SLC8A1: variants seen among roughly 807,000 people sequenced by gnomAD.
SLC8A1 encodes sodium/calcium exchanger 1.
In SLC8A1, 18 loss-of-function variants were observed where a neutral mutation model predicts 68.3. The ratio of observed to expected loss-of-function variants is 0.26; its 90% CI spans 0.18 to 0.39. SLC8A1 has a LOEUF of 0.39. SLC8A1 is among the 10% of genes least tolerant of loss of function. The pLI, the probability that SLC8A1 is intolerant of heterozygous loss-of-function variation, is 1.00. For missense variants in SLC8A1, 985 were observed against 1,156.7 expected, an observed-to-expected ratio of 0.85 and a Z score of 2.15; for synonymous variants, 475 against 415.5, an observed-to-expected ratio of 1.14 and a Z score of -1.74.
chr2:40,487,592 C>T (rs1705050816), intron 1 of SLC8A1, among the ~76,000 whole-genome samples: 1 of 152,122 alleles, frequency 6.6e-6, no homozygotes, highest in African/African-American at 2.4e-5. Flanking sequence ...GATATATTAA[C>T]ACAGTAGTCG....
At chr2:40,313,283 C>T (rs906102364) in intron 2 of SLC8A1, among the ~76,000 whole-genome samples, 2 of 151,924 alleles carry the variant, frequency 1.3e-5, no homozygotes, top group East Asian at 1.9e-4. Context: ...TAGTTCATTC[C>T]TTTTTATTGC....
rs143637697 is a variant in SLC8A1, at chr2:40,147,248, A to G, written c.2162-7572T>C. The stretch of plus-strand genomic sequence containing the variant: ...TCTTGTTCCTAAAAAAAAATCCGCT[A>G]TATGAATTGGGTGTTCCTAAATTAC... On this transcript the variant is annotated intron_variant, in intron 6 of 7. Transcript: ENST00000406785. 5.2e-3 allele frequency among the ~76,000 whole-genome samples: 792 copies of G among 152,180 alleles called. 8 individuals carry two copies. The highest frequency in any genetic ancestry group is 0.018 in the African/African-American group (737 of 41,522).
intron 2 of SLC8A1, among the ~76,000 whole-genome samples, chr2:40,228,760 T>A (rs2059298148): frequency 6.6e-6 from 1 of 152,170 alleles, no homozygotes; most frequent in Non-Finnish European, 1.5e-5. Context: ...CCACCTGTTT[T>A]GATGCATAAA....
chr2:40,135,536 G>A (rs1050340114), intron 7 of SLC8A1, among the ~76,000 whole-genome samples: 2 of 151,898 alleles, frequency 1.3e-5, no homozygotes, highest in Non-Finnish European at 2.9e-5. Context: ...TGACCAATAC[G>A]GTGAAATCCT....
At chr2:40,298,909 C>T (rs2070920625) in intron 2 of SLC8A1, among the ~76,000 whole-genome samples, 2 of 152,166 alleles carry the variant, frequency 1.3e-5, no homozygotes, top group South Asian at 2.1e-4. Flanking sequence ...TATCAATTCG[C>T]CTTCCCCTCC....
intron 7 of SLC8A1, among the ~76,000 whole-genome samples, chr2:40,118,895 T>C (rs562779961): frequency 6.6e-6 from 1 of 152,182 alleles, no homozygotes; most frequent in East Asian, 1.9e-4. Context: ...TGGCACCTGA[T>C]ACATTGCACA....
At chr2:40,392,530 C>G (rs1404787410) in intron 2 of SLC8A1, among the ~76,000 whole-genome samples, 2 of 152,052 alleles carry the variant, frequency 1.3e-5, no homozygotes, top group East Asian at 3.9e-4. Context: ...TGTGGTATCA[C>G]AAGCAGCTTG....
intron 1 of SLC8A1, among the ~76,000 whole-genome samples, chr2:40,473,348 A>G (rs929931952): frequency 6.6e-6 from 1 of 152,160 alleles, no homozygotes; most frequent in Non-Finnish European, 1.5e-5. Flanking sequence ...TGCCTCTTCA[A>G]TTGCTTCTGG....
chr2:40,313,100 T>A (rs1355359770), intron 2 of SLC8A1, among the ~76,000 whole-genome samples: 1 of 152,010 alleles, frequency 6.6e-6, no homozygotes, highest in African/African-American at 2.4e-5. Context: ...TCTCTAGCTA[T>A]TCCCTCTCCA....
At position 40,249,056 on chromosome 2, in the gene SLC8A1, G is replaced by T. The variant is rs538319407; in HGVS notation, c.1809-71201C>A. On this transcript the variant is annotated intron_variant, in intron 2 of 7. Transcript: ENST00000406785. ...GTGATCAGCTTGCCAACTGTCCCTGGGTCCTTTGTGTCCTGCTGCAATATC... is the reference window on the plus strand; with the variant it reads ...GTGATCAGCTTGCCAACTGTCCCTGTGTCCTTTGTGTCCTGCTGCAATATC... Among the ~76,000 whole-genome samples the T allele has an allele frequency of 2.0e-5, 3 of 152,170 alleles. No homozygotes were observed. In the South Asian group the frequency reaches 6.2e-4, roughly 32 times the overall value.
At chr2:40,111,947 G>A (rs1234140629) in exon 8 of SLC8A1, 1 of 152,078 alleles carries the variant, frequency 6.6e-6, no homozygotes, top group African/African-American at 2.4e-5. Flanking sequence ...GTCATACTAA[G>A]CAACGTAAAA....
chr2:40,418,464 TCAA>T (rs1694523638), intron 2 of SLC8A1, among the ~76,000 whole-genome samples: 1 of 152,158 alleles, frequency 6.6e-6, no homozygotes, highest in African/African-American at 2.4e-5. Flanking sequence ...CTGGCCTACT[TCAA>T]CAACATGTCA....
intron 2 of SLC8A1, among the ~76,000 whole-genome samples, chr2:40,243,403 G>C (rs1421812402): frequency 6.6e-6 from 1 of 152,128 alleles, no homozygotes; most frequent in East Asian, 1.9e-4. Context: ...AGGATCACTT[G>C]AGCCTAGGAG....
At chr2:40,383,084 A>G (rs1204742140) in intron 2 of SLC8A1, among the ~76,000 whole-genome samples, 3 of 152,124 alleles carry the variant, frequency 2.0e-5, no homozygotes, top group Non-Finnish European at 4.4e-5. Context: ...TGGACCTATT[A>G]TCCCTGCTTT....
intron 2 of SLC8A1, among the ~76,000 whole-genome samples, chr2:40,366,410 A>G (rs1017393205): frequency 4.6e-5 from 7 of 152,074 alleles, no homozygotes; most frequent in Non-Finnish European, 1.0e-4. Context: ...ATAAGAATAT[A>G]AAACCCACAA....
chr2:40,231,210 A>C (rs1201064492), intron 2 of SLC8A1, among the ~76,000 whole-genome samples: 1 of 152,224 alleles, frequency 6.6e-6, no homozygotes, highest in African/African-American at 2.4e-5. Flanking sequence ...GCTGAAAAAA[A>C]GTGCCATGAC....
At chr2:40,382,622 A>C (rs1394644197) in intron 2 of SLC8A1, among the ~76,000 whole-genome samples, 1 of 151,832 alleles carries the variant, frequency 6.6e-6, no homozygotes, top group Non-Finnish European at 1.5e-5. Context: ...GACTGGGCAA[A>C]ATATGTATGA....
chr2:40,155,753 C>T (rs1205234229), intron 6 of SLC8A1, among the ~76,000 whole-genome samples: 1 of 152,272 alleles, frequency 6.6e-6, no homozygotes, highest in South Asian at 2.1e-4. Flanking sequence ...ATGACAGAAG[C>T]GTCCTTTAAA....
chr2:40,161,206 C>T (rs1445876114), intron 5 of SLC8A1, among the ~76,000 whole-genome samples: 1 of 152,148 alleles, frequency 6.6e-6, no homozygotes, highest in Admixed American at 6.6e-5. Flanking sequence ...TGTAGTGTTT[C>T]GTCTGCAAGT....
Sources: allele counts gnomAD v4.1 joint callset (sites outside exome capture counted in the v4.1 genomes callset), GRCh38; gene constraint gnomAD v4.1.1; transcripts MANE v1.5; gene names NCBI Gene and HGNC (gene_info 2026-07-23, HGNC 2026-07-21).